Variants in LGSN observed in about 807,000 individuals in gnomAD.
LGSN encodes the protein lengsin.
LGSN carries 21 observed loss-of-function variants against 19.5 expected under a neutral mutation model. That is an observed-to-expected ratio of 1.07 (90% confidence interval 0.76 to 1.55). The LOEUF (loss-of-function observed/expected upper bound fraction) is 1.55. LGSN is among the 40% of genes most tolerant of loss of function. The pLI, the probability that LGSN is intolerant of heterozygous loss-of-function variation, is 0.00. For missense variants in LGSN, 673 were observed against 608.5 expected, an observed-to-expected ratio of 1.11 and a Z score of -1.12; for synonymous variants, 257 against 215.6, an observed-to-expected ratio of 1.19 and a Z score of -1.68.
chr6:63,522,547 T>A, the LGSN span, among the ~76,000 whole-genome samples: 2 of 152,206 alleles, frequency 1.3e-5, no homozygotes, highest in African/African-American at 2.4e-5. Flanking sequence ...CACTTTCTTT[T>A]TGAGGTAGAA....
the LGSN span, among the ~76,000 whole-genome samples, chr6:63,568,647 C>T: frequency 6.7e-6 from 1 of 149,606 alleles, no homozygotes; most frequent in Admixed American, 6.6e-5. Context: ...TGTCACAAAC[C>T]ATCATTTTGT....
At chr6:63,394,818 A>G in the LGSN span, among the ~76,000 whole-genome samples, 1 of 152,170 alleles carries the variant, frequency 6.6e-6, no homozygotes, top group Non-Finnish European at 1.5e-5. Context: ...CTTGCTGTAT[A>G]CAGCAGCTGC....
chr6:63,480,980 T>C, the LGSN span, among the ~76,000 whole-genome samples: 10 of 33,264 alleles, frequency 3.0e-4, no homozygotes, highest in African/African-American at 5.8e-4. Context: ...TATATATATA[T>C]ATATATACAC....
chr6:63,502,930 C>T, the LGSN span, among the ~76,000 whole-genome samples: 2 of 152,188 alleles, frequency 1.3e-5, no homozygotes, highest in African/African-American at 4.8e-5. Flanking sequence ...GCTCTATGCT[C>T]ATCAGTAAGA....
the LGSN span, among the ~76,000 whole-genome samples, chr6:63,519,318 AG>A: frequency 1.3e-5 from 2 of 152,080 alleles, no homozygotes; most frequent in African/African-American, 4.8e-5. Flanking sequence ...AAAAAAAAAA[AG>A]ACTACAAAGG....
the LGSN span, among the ~76,000 whole-genome samples, chr6:63,548,122 T>C: frequency 6.6e-6 from 1 of 152,216 alleles, no homozygotes. Flanking sequence ...CATGAAAGCC[T>C]TTTTTGAATC....
chr6:63,331,350 A>T, the LGSN span, among the ~76,000 whole-genome samples: 1 of 152,130 alleles, frequency 6.6e-6, no homozygotes, highest in Non-Finnish European at 1.5e-5. Flanking sequence ...TGTAATTTGT[A>T]CTTCTCTCAG....
At chr6:63,355,427 C>T in the LGSN span, among the ~76,000 whole-genome samples, 342 of 152,280 alleles carry the variant, frequency 2.2e-3, 2 homozygotes, top group African/African-American at 7.9e-3. Flanking sequence ...AAAAAGAGTA[C>T]ATCCTATGCC....
chr6:63,520,629 TCAAA>T, the LGSN span, among the ~76,000 whole-genome samples: 2 of 102,432 alleles, frequency 2.0e-5, no homozygotes, highest in African/African-American at 4.3e-5. Context: ...AGACTCTGTC[TCAAA>T]TAAATAAATA....
At chr6:63,561,340 T>G in the LGSN span, among the ~76,000 whole-genome samples, 1 of 152,156 alleles carries the variant, frequency 6.6e-6, no homozygotes, top group Non-Finnish European at 1.5e-5. Flanking sequence ...ACCCAACACA[T>G]AGTAAGCACT....
intron 3 of LGSN, among the ~76,000 whole-genome samples, chr6:63,285,010 A>T (rs575290996): frequency 2.6e-5 from 4 of 152,296 alleles, no homozygotes; most frequent in African/African-American, 9.6e-5. Flanking sequence ...ATCAAAATAA[A>T]CACATGACAA....
At chr6:63,497,086 C>T in the LGSN span, among the ~76,000 whole-genome samples, 4 of 152,240 alleles carry the variant, frequency 2.6e-5, no homozygotes, top group South Asian at 8.3e-4. Flanking sequence ...ATCCTCCTGC[C>T]TCAGCCTCCC....
chr6:63,468,648 G>A, the LGSN span, among the ~76,000 whole-genome samples: 1 of 151,680 alleles, frequency 6.6e-6, no homozygotes, highest in Non-Finnish European at 1.5e-5. Flanking sequence ...GGCTGGTCTC[G>A]AACTTCTGAC....
the LGSN span, among the ~76,000 whole-genome samples, chr6:63,489,841 CT>C: frequency 6.6e-6 from 1 of 152,008 alleles, no homozygotes; most frequent in South Asian, 2.1e-4. Context: ...TGAGGAGTAA[CT>C]GAGATTACAG....
At chr6:63,453,031 G>A in the LGSN span, among the ~76,000 whole-genome samples, 1 of 151,586 alleles carries the variant, frequency 6.6e-6, no homozygotes, top group Non-Finnish European at 1.5e-5. Flanking sequence ...TTTTAACTAT[G>A]GTATCTTCTT....
the LGSN span, among the ~76,000 whole-genome samples, chr6:63,557,174 G>T: frequency 6.6e-6 from 1 of 152,170 alleles, no homozygotes; most frequent in Non-Finnish European, 1.5e-5. Context: ...TTATCATCAT[G>T]GGATGAATGC....
the LGSN span, among the ~76,000 whole-genome samples, chr6:63,330,729 G>C: frequency 6.6e-6 from 1 of 152,152 alleles, no homozygotes; most frequent in Non-Finnish European, 1.5e-5. Context: ...ATCCATACTG[G>C]GGATGGCTTG....
the LGSN span, among the ~76,000 whole-genome samples, chr6:63,500,103 G>A: frequency 6.6e-6 from 1 of 152,054 alleles, no homozygotes; most frequent in African/African-American, 2.4e-5. Context: ...AATCCCCTCA[G>A]CTCACTTTAA....
At chr6:63,458,695 A>G in the LGSN span, among the ~76,000 whole-genome samples, 76 of 152,332 alleles carry the variant, frequency 5.0e-4, no homozygotes, top group Middle Eastern at 6.8e-3. Flanking sequence ...CTCTAATTCT[A>G]GGAGTCTGAA....
Sources: allele counts gnomAD v4.1 joint callset (sites outside exome capture counted in the v4.1 genomes callset), GRCh38; gene constraint gnomAD v4.1.1; transcripts MANE v1.5; gene names NCBI Gene and HGNC (gene_info 2026-07-23, HGNC 2026-07-21).